The following TXNDC12 variants were observed in gnomAD, a reference collection of about 807,000 sequenced individuals.
The protein encoded by TXNDC12 is thioredoxin domain-containing protein 12.
Under a neutral mutation model 24.2 loss-of-function variants are expected in TXNDC12, and 22 were observed. The ratio of observed to expected loss-of-function variants is 0.91; its 90% CI spans 0.65 to 1.30. TXNDC12 has a LOEUF of 1.30. Among genes scored for constraint, TXNDC12 ranks in the 50% most tolerant of loss-of-function variants. The pLI is 0.00. For synonymous variants in TXNDC12, 58 were observed against 73.4 expected, an observed-to-expected ratio of 0.79 and a Z score of 1.07; for missense variants, 184 against 205.8, an observed-to-expected ratio of 0.89 and a Z score of 0.65.
intron 1 of TXNDC12, among the ~76,000 whole-genome samples, chr1:52,051,365 G>C (rs917553513): frequency 2.6e-5 from 4 of 151,920 alleles, no homozygotes; most frequent in African/African-American, 7.3e-5. Flanking sequence ...TACAATCCAG[G>C]CCTCCTAATT....
At chr1:52,021,701 C>T (rs1439921417) in intron 6 of TXNDC12, among the ~76,000 whole-genome samples, 1 of 152,052 alleles carries the variant, frequency 6.6e-6, no homozygotes, top group African/African-American at 2.4e-5. Flanking sequence ...AGTATAGGCT[C>T]CTGAATGGTG....
At chr1:52,053,569 C>T (rs1290555802) in intron 1 of TXNDC12, among the ~76,000 whole-genome samples, 1 of 152,100 alleles carries the variant, frequency 6.6e-6, no homozygotes, top group Non-Finnish European at 1.5e-5. Context: ...GAGGCTAAGG[C>T]AGGAGAATCG....
intron 2 of TXNDC12, chr1:52,033,028 C>G: frequency 6.4e-7 from 1 of 1,572,656 alleles, no homozygotes; most frequent in South Asian, 1.2e-5. Flanking sequence ...CAGGGCAGAG[C>G]GGATCCCCGC....
At chr1:52,029,052 TGG>T (rs2124363635) in intron 2 of TXNDC12, among the ~76,000 whole-genome samples, 1 of 152,230 alleles carries the variant, frequency 6.6e-6, no homozygotes, top group East Asian at 1.9e-4. Flanking sequence ...TGCTTAAGCC[TGG>T]GAGGCAGAGG....
chr1:52,021,492 G>T (rs748109120), intron 6 of TXNDC12, among the ~76,000 whole-genome samples: 1 of 148,638 alleles, frequency 6.7e-6, no homozygotes, highest in Non-Finnish European at 1.5e-5. Flanking sequence ...TGGGGCGGGG[G>T]TGTCTCTACT....
At chr1:52,026,488 T>G (rs1038638230) in intron 4 of TXNDC12, among the ~76,000 whole-genome samples, 2 of 152,212 alleles carry the variant, frequency 1.3e-5, no homozygotes, top group African/African-American at 4.8e-5. Context: ...AGGTGCTCAG[T>G]TGAATCACAT....
chr1:52,037,458 G>C (rs1010176056), intron 2 of TXNDC12, among the ~76,000 whole-genome samples: 4 of 151,952 alleles, frequency 2.6e-5, no homozygotes, highest in Admixed American at 1.3e-4. Flanking sequence ...GTGATCCCCC[G>C]ACCTCGGCCT....
At chr1:52,049,528 GT>G (rs1302669131) in intron 1 of TXNDC12, among the ~76,000 whole-genome samples, 1 of 152,208 alleles carries the variant, frequency 6.6e-6, no homozygotes, top group East Asian at 1.9e-4. Context: ...GAAGGTTGCA[GT>G]GAGCTGAGAT....
intron 6 of TXNDC12, 48 bp from the exon 7 acceptor site, chr1:52,021,060 G>T: frequency 7.5e-7 from 1 of 1,328,278 alleles, no homozygotes; most frequent in Non-Finnish European, 1.1e-6. Context: ...AGTAATGTTT[G>T]ACATTTGACA....
chr1:52,034,639 G>A (rs529508350), intron 2 of TXNDC12, among the ~76,000 whole-genome samples: 1 of 152,132 alleles, frequency 6.6e-6, no homozygotes, highest in South Asian at 2.1e-4. Flanking sequence ...TAGAGATGAG[G>A]TTGTATGTTG....
chr1:52,035,684 C>A (rs1337246986), intron 2 of TXNDC12, among the ~76,000 whole-genome samples: 1 of 152,144 alleles, frequency 6.6e-6, no homozygotes, highest in African/African-American at 2.4e-5. Flanking sequence ...TGCACTCCAG[C>A]CTGGGCAATA....
intron 5 of TXNDC12, 52 bp downstream of exon 5, chr1:52,024,458 T>C: frequency 7.0e-7 from 1 of 1,421,510 alleles, no homozygotes; most frequent in South Asian, 1.2e-5. Context: ...CCTTGATTCA[T>C]TTCTCTCTCC....
chr1:52,032,752 T>C, intron 2 of TXNDC12: 1 of 1,613,870 alleles, frequency 6.2e-7, no homozygotes. Context: ...TTGCGGCAAG[T>C]TCTCATTGTT....
intron 2 of TXNDC12, among the ~76,000 whole-genome samples, chr1:52,037,400 C>T (rs1365340319): frequency 6.6e-6 from 1 of 152,044 alleles, no homozygotes; most frequent in Non-Finnish European, 1.5e-5. Flanking sequence ...TTAGTAGAGA[C>T]TGGGTTTCTC....
intron 4 of TXNDC12, among the ~76,000 whole-genome samples, chr1:52,025,633 T>C (rs183765825): frequency 3.7e-4 from 57 of 152,332 alleles, no homozygotes; most frequent in African/African-American, 1.3e-3. Flanking sequence ...GAGGAATTCA[T>C]GTGCAAAGGC....
chr1:52,027,779 TTA>T lies in TXNDC12; in HGVS notation c.212-433_212-432del, dbSNP rs112391243. 9.6e-3 allele frequency among the ~76,000 whole-genome samples: 1,434 copies of T among 149,294 alleles called. 25 individuals are homozygous for T. The highest frequency in any genetic ancestry group is 0.032 in the African/African-American group (1,324 of 40,894). ...TACATATATACGTATATATTATATG[TTA>T]TATATGTTATGTATATATGTGTATA... is the stretch of plus-strand genomic sequence containing the variant. On this transcript the variant is annotated intron_variant, in intron 3 of 6. Coordinates refer to ENST00000371626, the MANE Select transcript of TXNDC12 (RefSeq NM_015913.4).
At position 52,055,135 on chromosome 1, in the gene TXNDC12, AG is replaced by A; in HGVS notation, c.-40del. ...CGGGGCCACGGGGCTGAGCGGACGC[AG>A]GGCCGGAGTCCCAGCAGACGGTCCA... On this transcript the variant is annotated 5_prime_UTR_variant, in exon 1 of 7. Coordinates refer to ENST00000371626, the MANE Select transcript of TXNDC12 (RefSeq NM_015913.4). The A allele has an allele frequency of 1.4e-6, 2 of 1,445,564 alleles. No individual in the cohort carries two copies. The highest frequency in any genetic ancestry group is 1.9e-6 in the Non-Finnish European group (2 of 1,027,762). The allele number at this position is 1,445,564 out of a possible 1,614,324, so 89.5% of individuals were successfully genotyped here.
intron 2 of TXNDC12, 73 bp from the exon 3 acceptor site, chr1:52,028,703 T>C: frequency 2.6e-6 from 3 of 1,141,090 alleles, no homozygotes; most frequent in Non-Finnish European, 2.6e-6. Context: ...GATTAATATG[T>C]GAAGACATTT....
chr1:52,046,863 AAAAATATAT>A (rs1557998313), intron 1 of TXNDC12, among the ~76,000 whole-genome samples: 1 of 29,224 alleles, frequency 3.4e-5, no homozygotes. Flanking sequence ...TAAAAAAAAA[AAAAATATAT>A]ATATATATAT....
Sources: allele counts gnomAD v4.1 joint callset (sites outside exome capture counted in the v4.1 genomes callset), GRCh38; gene constraint gnomAD v4.1.1; transcripts MANE v1.5; gene names NCBI Gene and HGNC (gene_info 2026-07-23, HGNC 2026-07-21).